Variants in SPOCK3 observed in about 807,000 individuals in gnomAD.
The protein encoded by SPOCK3 is SPARC (osteonectin), cwcv and kazal like domains proteoglycan 3, also known as testican-3.
Under a neutral mutation model 56.6 loss-of-function variants are expected in SPOCK3, and 30 were observed. That is an observed-to-expected ratio of 0.53 (90% CI 0.40 to 0.72). SPOCK3 has a LOEUF of 0.72. SPOCK3 is among the 30% of genes least tolerant of loss of function. SPOCK3 has a pLI of 0.00. For synonymous variants in SPOCK3, 196 were observed against 183.3 expected (o/e 1.07, Z -0.56); for missense variants, 527 against 530.0 (o/e 0.99, Z 0.06).
At chr4:166,932,959 C>A (rs1739960324) in intron 4 of SPOCK3, among the ~76,000 whole-genome samples, 2 of 152,154 alleles carry the variant, frequency 1.3e-5, no homozygotes, top group Admixed American at 6.5e-5. Context: ...ATGTAAGTAG[C>A]AATTTATACT....
chr4:167,037,240 T>C (rs1184095378), intron 3 of SPOCK3, among the ~76,000 whole-genome samples: 1 of 151,972 alleles, frequency 6.6e-6, no homozygotes, highest in East Asian at 1.9e-4. Flanking sequence ...TACCAGCAAG[T>C]TGGGAGGCCG....
At chr4:167,224,378 A>G (rs1182622361) in intron 2 of SPOCK3, among the ~76,000 whole-genome samples, 1 of 152,168 alleles carries the variant, frequency 6.6e-6, no homozygotes, top group Non-Finnish European at 1.5e-5. Flanking sequence ...GTAGATAAAG[A>G]TGTGGGATAT....
intron 6 of SPOCK3, among the ~76,000 whole-genome samples, chr4:166,841,788 T>G (rs1747380724): frequency 6.6e-6 from 1 of 152,220 alleles, no homozygotes; most frequent in Admixed American, 6.5e-5. Flanking sequence ...CCTTCTTGAG[T>G]ACGAGCAACA....
intron 2 of SPOCK3, among the ~76,000 whole-genome samples, chr4:167,071,769 CT>C (rs1348539103): frequency 6.6e-6 from 1 of 152,026 alleles, no homozygotes; most frequent in South Asian, 2.1e-4. Context: ...AATGGTATTT[CT>C]AGTTCTAGAT....
chr4:166,913,383 G>A (rs1026370480), intron 4 of SPOCK3, among the ~76,000 whole-genome samples: 4 of 151,972 alleles, frequency 2.6e-5, no homozygotes, highest in African/African-American at 9.7e-5. Context: ...CCCCACTTTG[G>A]TTAAATTGCT....
At chr4:167,026,268 T>C (rs563601878) in intron 3 of SPOCK3, among the ~76,000 whole-genome samples, 1 of 152,228 alleles carries the variant, frequency 6.6e-6, no homozygotes, top group South Asian at 2.1e-4. Context: ...CCTCACTTTA[T>C]GTAATTCAAT....
At chr4:167,191,195 G>A (rs1732446568) in intron 2 of SPOCK3, among the ~76,000 whole-genome samples, 1 of 145,392 alleles carries the variant, frequency 6.9e-6, no homozygotes. Context: ...TACAAGGATT[G>A]CATTAAATCT....
chr4:167,101,707 C>G (rs761569622), intron 2 of SPOCK3, among the ~76,000 whole-genome samples: 79 of 147,338 alleles, frequency 5.4e-4, no homozygotes, highest in Non-Finnish European at 1.0e-3. Flanking sequence ...ATTCATAATT[C>G]TTACTCTTTT....
At chr4:167,197,620 A>T (rs1319649427) in intron 2 of SPOCK3, among the ~76,000 whole-genome samples, 4 of 152,074 alleles carry the variant, frequency 2.6e-5, no homozygotes, top group African/African-American at 9.7e-5. Context: ...GAAAAAAAAA[A>T]AATCCCACAA....
chr4:167,079,558 G>C (rs777831434), intron 2 of SPOCK3, among the ~76,000 whole-genome samples: 3 of 151,720 alleles, frequency 2.0e-5, no homozygotes, highest in Non-Finnish European at 4.4e-5. Flanking sequence ...GGTGAAAAGG[G>C]CCATTTCCTT....
chr4:167,033,693 G>A (rs7695680), intron 3 of SPOCK3, among the ~76,000 whole-genome samples: 54,768 of 151,426 alleles, frequency 0.36, 12,271 homozygotes, highest in African/African-American at 0.64. Context: ...GGATGCTCAG[G>A]GAATCTTCCT....
chr4:166,940,436 T>C (rs1167441483), intron 4 of SPOCK3, among the ~76,000 whole-genome samples: 2 of 151,996 alleles, frequency 1.3e-5, no homozygotes, highest in East Asian at 2.0e-4. Flanking sequence ...AGTGACCATG[T>C]TCTTGGGAGG....
intron 3 of SPOCK3, among the ~76,000 whole-genome samples, chr4:167,036,310 T>C: frequency 6.6e-6 from 1 of 152,282 alleles, no homozygotes; most frequent in African/African-American, 2.4e-5. Flanking sequence ...CTATATGAAG[T>C]AAAAAAACAC....
intron 4 of SPOCK3, among the ~76,000 whole-genome samples, chr4:166,935,145 A>G (rs1407067074): frequency 4.6e-5 from 7 of 152,158 alleles, no homozygotes; most frequent in African/African-American, 1.4e-4. Context: ...TCAATCCACC[A>G]TGGGGCTTGG....
intron 4 of SPOCK3, among the ~76,000 whole-genome samples, chr4:166,990,055 T>G (rs1249757006): frequency 6.6e-6 from 1 of 152,138 alleles, no homozygotes; most frequent in African/African-American, 2.4e-5. Context: ...AAGCAAGAAG[T>G]AATCCCATGA....
At chr4:166,919,210 T>C (rs1446830691) in intron 4 of SPOCK3, among the ~76,000 whole-genome samples, 1 of 152,178 alleles carries the variant, frequency 6.6e-6, no homozygotes. Context: ...GGCCAACAAG[T>C]ATGATGTAGA....
chr4:166,777,567 C>T (rs569183490), intron 7 of SPOCK3, among the ~76,000 whole-genome samples: 95 of 152,142 alleles, frequency 6.2e-4, no homozygotes, highest in African/African-American at 2.1e-3. Flanking sequence ...CCCCATGTCT[C>T]TATGAAAAAC....
intron 4 of SPOCK3, among the ~76,000 whole-genome samples, chr4:166,981,480 T>C (rs1593771): frequency 1 from 152,030 of 152,236 alleles, 75,912 homozygotes; most frequent in Non-Finnish European, 1. Flanking sequence ...TTGAAGAGAC[T>C]CTACGTGGGT....
chr4:166,995,138 C>A (rs537786883), intron 4 of SPOCK3, among the ~76,000 whole-genome samples: 2 of 152,140 alleles, frequency 1.3e-5, no homozygotes, highest in African/African-American at 4.8e-5. Flanking sequence ...TAAGTGAATT[C>A]TCTGTCTCAA....
Sources: allele counts gnomAD v4.1 joint callset (sites outside exome capture counted in the v4.1 genomes callset), GRCh38; gene constraint gnomAD v4.1.1; transcripts MANE v1.5; gene names NCBI Gene and HGNC (gene_info 2026-07-23, HGNC 2026-07-21).